SDCCAG8: variants seen among roughly 807,000 people sequenced by gnomAD.
SDCCAG8 encodes serologically defined colon cancer antigen 8.
A neutral mutation model predicts 101.8 loss-of-function variants in SDCCAG8; 74 were observed. That is an observed-to-expected ratio of 0.73 (90% CI 0.60 to 0.88). SDCCAG8 has a LOEUF of 0.88. Among genes scored for constraint, SDCCAG8 ranks in the 40% least tolerant of loss-of-function variants. The probability of loss-of-function intolerance (pLI) is 0.00; values close to 1 mark genes in which losing one functional copy is unlikely to be tolerated. For missense variants in SDCCAG8, 787 were observed against 822.6 expected (o/e 0.96, Z 0.53); for synonymous variants, 281 against 292.9 (o/e 0.96, Z 0.41).
At chr1:243,380,145 G>A (rs1296405725) in intron 13 of SDCCAG8, among the ~76,000 whole-genome samples, 1 of 151,980 alleles carries the variant, frequency 6.6e-6, no homozygotes, top group Non-Finnish European at 1.5e-5. Context: ...CTGGTATCTA[G>A]AAAAAAATCC....
chr1:243,392,446 C>T (rs1197550051), intron 13 of SDCCAG8, among the ~76,000 whole-genome samples: 1 of 152,206 alleles, frequency 6.6e-6, no homozygotes, highest in African/African-American at 2.4e-5. Flanking sequence ...GCCCTAGGGG[C>T]TCTGTAAGTT....
intron 12 of SDCCAG8, among the ~76,000 whole-genome samples, chr1:243,356,622 A>G (rs1217805968): frequency 1.3e-5 from 2 of 152,130 alleles, no homozygotes; most frequent in Non-Finnish European, 2.9e-5. Context: ...GGGAACCACA[A>G]TAATGGATTT....
Position 243,418,034 on chromosome 1 carries a change from G to C in SDCCAG8, c.1811G>C (p.Cys604Ser). The C allele has an allele frequency of 6.2e-7, 1 of 1,613,046 alleles. No individual in the cohort carries two copies. The highest frequency in any genetic ancestry group is 8.5e-7 in the Non-Finnish European group (1 of 1,179,320). ...TTGACAAAGTTAAAGGAAGAATGCT[G>C]TACATTAGCCAAGAAACTGGAACAA... The part of the protein sequence containing the change: ...TFLTKLKEEC[C>S]TLAKKLEQIS... Residue 604 changes from cysteine to serine, a missense_variant, in exon 15 of 18, where the codon TGT becomes TCT. Physicochemically the swap from Cys to Ser is moderately radical, Grantham distance 112. Transcript: ENST00000366541.
At chr1:243,385,684 C>T (rs890762160) in intron 13 of SDCCAG8, among the ~76,000 whole-genome samples, 19 of 152,066 alleles carry the variant, frequency 1.2e-4, no homozygotes, top group African/African-American at 1.9e-4. Context: ...ATATATTCAT[C>T]TTAGGCCGGG....
At chr1:243,492,604 G>GTTTTT (rs74162289) in intron 17 of SDCCAG8, among the ~76,000 whole-genome samples, 100 of 58,852 alleles carry the variant, frequency 1.7e-3, no homozygotes, top group African/African-American at 3.6e-3. Flanking sequence ...GCGCCCAGCT[G>GTTTTT]TTTTTTTTTT....
chr1:243,267,743 T>G (rs2067744234), intron 1 of SDCCAG8: 1 of 799,534 alleles, frequency 1.3e-6, no homozygotes, highest in Non-Finnish European at 2.3e-6. Flanking sequence ...AAATCTTGGA[T>G]CCTTGGCGAT....
At chr1:243,425,490 T>G (rs2081281155) in intron 15 of SDCCAG8, among the ~76,000 whole-genome samples, 2 of 152,178 alleles carry the variant, frequency 1.3e-5, no homozygotes, top group Non-Finnish European at 2.9e-5. Context: ...AAAGGCTATC[T>G]TGCCTACTGG....
In SDCCAG8 at chr1:243,302,274, C is replaced by A. The variant is rs571617714; in HGVS notation, c.676-2439C>A. ...AAACAAAACAAAACAAAAAAAAGGA[C>A]GAAAATTATTTAGGAGAAATGATAT... On this transcript the variant is annotated intron_variant, in intron 6 of 17. Transcript: ENST00000366541. Among the ~76,000 whole-genome samples the A allele has an allele frequency of 2.6e-5, 4 of 151,864 alleles. No homozygotes were observed. The South Asian group carries it at 8.3e-4, about 32-fold the overall frequency.
chr1:243,328,156 C>T (rs950228302), intron 9 of SDCCAG8, among the ~76,000 whole-genome samples: 21 of 152,132 alleles, frequency 1.4e-4, no homozygotes, highest in Non-Finnish European at 2.5e-4. Flanking sequence ...CCTGCCTCAG[C>T]CTCCCAAAGT....
chr1:243,282,482 A>G (rs1335903148), intron 4 of SDCCAG8, among the ~76,000 whole-genome samples: 1 of 152,204 alleles, frequency 6.6e-6, no homozygotes, highest in Non-Finnish European at 1.5e-5. Flanking sequence ...ATTTTATCTT[A>G]TATCCACTTA....
chr1:243,392,084 C>A (rs975077799), intron 13 of SDCCAG8, among the ~76,000 whole-genome samples: 2 of 152,156 alleles, frequency 1.3e-5, no homozygotes, highest in Non-Finnish European at 2.9e-5. Flanking sequence ...TTCCTACAGA[C>A]CTTAACTGTG....
chr1:243,374,272 A>C (rs1355900880), intron 12 of SDCCAG8, among the ~76,000 whole-genome samples: 1 of 152,102 alleles, frequency 6.6e-6, no homozygotes, highest in Non-Finnish European at 1.5e-5. Context: ...ATGGCATTAA[A>C]ATATTTTAAA....
At chr1:243,288,734 C>T (rs532990999) in intron 5 of SDCCAG8, among the ~76,000 whole-genome samples, 23 of 152,150 alleles carry the variant, frequency 1.5e-4, no homozygotes, top group African/African-American at 4.8e-4. Flanking sequence ...GGTGGCCAGG[C>T]GCAGTGGCTC....
In SDCCAG8 at chr1:243,415,489, T is replaced by G. The variant is rs1376494582; in HGVS notation, c.1617-213T>G. On this transcript the variant is annotated intron_variant, in intron 13 of 17. Coordinates refer to ENST00000366541, the MANE Select transcript of SDCCAG8 (RefSeq NM_006642.5). Reference sequence around the variant, plus strand: ...GTTATGATGTTTTGACACTGCACACTTTAGTCCATTTGGATTCATGGCACG... The same window carrying G: ...GTTATGATGTTTTGACACTGCACACGTTAGTCCATTTGGATTCATGGCACG... Among the ~76,000 whole-genome samples, 7 of 152,196 alleles carry G rather than the reference T, an allele frequency of 4.6e-5. No individual in the cohort carries two copies. In the East Asian group the frequency reaches 1.3e-3, roughly 29 times the overall value.
At chr1:243,395,241 T>C (rs1322151869) in intron 13 of SDCCAG8, among the ~76,000 whole-genome samples, 1 of 152,216 alleles carries the variant, frequency 6.6e-6, no homozygotes, top group African/African-American at 2.4e-5. Context: ...AAGCAGCCTC[T>C]ATTAAACTAG....
intron 6 of SDCCAG8, among the ~76,000 whole-genome samples, chr1:243,297,286 T>C (rs2071026011): frequency 6.6e-6 from 1 of 152,258 alleles, no homozygotes. Context: ...TCATTTTCTT[T>C]GGTGGGTCTG....
At chr1:243,341,219 C>T in intron 11 of SDCCAG8, 46 bp downstream of exon 11, 1 of 1,604,292 alleles carries the variant, frequency 6.2e-7, no homozygotes, top group South Asian at 1.1e-5. Flanking sequence ...GGAAATATTT[C>T]CTTTGAAAAA....
rs918097264 is a variant in SDCCAG8 at position 243,294,709 on chromosome 1, C to CA, written c.675+1491dup. 9.5e-5 allele frequency among the ~76,000 whole-genome samples: 13 copies of CA among 136,428 alleles called. No homozygotes were observed. The East Asian group carries it at 1.8e-3, about 19-fold the overall frequency. The allele number at this position is 136,428 out of a possible 152,430, so 89.5% of individuals were successfully genotyped here. On this transcript the variant is annotated intron_variant, in intron 6 of 17. Transcript: ENST00000366541. Reference sequence around the variant, plus strand: ...GACTTTCTAAATTCCCCCCCCCCCCCACAGCTGCCTTTGAACGTCCTAATT... The same window carrying CA: ...GACTTTCTAAATTCCCCCCCCCCCCCAACAGCTGCCTTTGAACGTCCTAATT...
chr1:243,405,537 C>G (rs190251542), intron 13 of SDCCAG8, among the ~76,000 whole-genome samples: 8 of 152,274 alleles, frequency 5.3e-5, no homozygotes. Context: ...TAGGCACTTA[C>G]TAGCAAAAGG....
Sources: allele counts gnomAD v4.1 joint callset (sites outside exome capture counted in the v4.1 genomes callset), GRCh38; gene constraint gnomAD v4.1.1; transcripts MANE v1.5; gene names NCBI Gene and HGNC (gene_info 2026-07-23, HGNC 2026-07-21).